Variants in AGAP1 observed in about 807,000 individuals in gnomAD.
AGAP1 encodes the protein arf-GAP with GTPase, ANK repeat and PH domain-containing protein 1.
A neutral mutation model predicts 105.3 loss-of-function variants in AGAP1; 29 were observed. The ratio of observed to expected loss-of-function variants is 0.28; its 90% CI spans 0.21 to 0.38. AGAP1 has a LOEUF of 0.38. Ranked by LOEUF, AGAP1 falls within the 10% of genes least tolerant of loss-of-function variation. The pLI, the probability that AGAP1 is intolerant of heterozygous loss-of-function variation, is 1.00. For synonymous variants in AGAP1, 509 were observed against 485.9 expected (o/e 1.05, Z -0.63); for missense variants, 998 against 1,165.1 (o/e 0.86, Z 2.09).
Position 236,109,657 on chromosome 2 carries a change from G to A in AGAP1, c.2115-10535G>A, listed in dbSNP as rs562351689. Among the ~76,000 whole-genome samples the A allele has an allele frequency of 2.0e-5, 3 of 151,554 alleles. No homozygotes were observed. Among genetic ancestry groups the A allele is most frequent in the East Asian group, 2.0e-4 (1 of 5,122 alleles). On this transcript the variant is annotated intron_variant, in intron 16 of 17. Transcript: ENST00000304032. The surrounding 1 kb of genome is among the most constrained non-coding windows in gnomAD (Gnocchi z 5.4). The stretch of plus-strand genomic sequence containing the variant: ...CGGCAGCCGTGGGAACGTCCTAGTC[G>A]GCGGCAGCGTCGGTGCTCTGGACCG...
Position 235,994,495 on chromosome 2 carries a change from T to TG in AGAP1, c.1645+25874dup, listed in dbSNP as rs985504032. 6.6e-6 allele frequency among the ~76,000 whole-genome samples: 1 copy of TG among 152,194 alleles called. No homozygotes were observed. The highest frequency in any genetic ancestry group is 2.4e-5 in the African/African-American group (1 of 41,452). Reference sequence around the variant, plus strand: ...CAGCGTTAAGGGGGTCGTTTCTTTCTGGTTTGAAAGTTGAGAAGTAGGTCA... The same window carrying TG: ...CAGCGTTAAGGGGGTCGTTTCTTTCTGGGTTTGAAAGTTGAGAAGTAGGTCA... On this transcript the variant is annotated intron_variant, in intron 13 of 17. Transcript: ENST00000304032. This position sits in a 1 kb window ranked among gnomAD's most constrained non-coding sequence, Gnocchi z 4.4.
At chr2:236,021,759 T>A (rs2056891662) in intron 13 of AGAP1, among the ~76,000 whole-genome samples, 1 of 152,048 alleles carries the variant, frequency 6.6e-6, no homozygotes, top group South Asian at 2.1e-4. Context: ...AGTCTTTTCT[T>A]AATTTAAGAC....
At chr2:235,594,894 T>TTG (rs1553575351) in intron 1 of AGAP1, among the ~76,000 whole-genome samples, 2 of 150,938 alleles carry the variant, frequency 1.3e-5, no homozygotes, top group Non-Finnish European at 3.0e-5. Flanking sequence ...TTTTTTTTTT[T>TTG]TTTTTTTTTT....
rs149931123 is a variant in AGAP1 at position 235,750,445 on chromosome 2, G to A, written c.630G>A (p.Thr210=). The A allele has an allele frequency of 6.0e-4, 962 of 1,614,212 alleles. No individual in the cohort carries two copies. The highest frequency in any genetic ancestry group is 1.1e-3 in the South Asian group (99 of 91,084). ...NDLKRCTYYE[T]CATYGLNVER... ...TGAAACGGTGCACGTACTACGAGAC[G>A]TGTGCTACATACGGGCTGAATGTGG... is the stretch of plus-strand genomic sequence containing the variant. Residue 210 remains threonine (T), a synonymous_variant, in exon 6 of 18, where the codon ACG becomes ACA. Transcript: ENST00000304032. This position sits in a 1 kb window ranked among gnomAD's most constrained non-coding sequence, Gnocchi z 5.3.
At chr2:235,572,668 T>G (rs1944567998) in intron 1 of AGAP1, among the ~76,000 whole-genome samples, 1 of 152,126 alleles carries the variant, frequency 6.6e-6, no homozygotes, top group Admixed American at 6.5e-5. Context: ...GTGGCCAACT[T>G]CCCCATCACC....
rs2125013707 is a variant in AGAP1, at chr2:235,904,174, A to G, written c.1156-4564A>G. ...GACTATGTGAAAAGAAATCACATTA[A>G]TGCAGCTAATTAAGTGTACGGCAAT... On this transcript the variant is annotated intron_variant, in intron 10 of 17. Transcript: ENST00000304032. The surrounding 1 kb of genome is among the most constrained non-coding windows in gnomAD (Gnocchi z 4.2). Among the ~76,000 whole-genome samples, 1 of 152,336 alleles carries G rather than the reference A, an allele frequency of 6.6e-6. No homozygotes were observed. The highest frequency in any genetic ancestry group is 2.1e-4 in the South Asian group (1 of 4,830).
chr2:235,652,822 G>A (rs988534342), intron 1 of AGAP1, among the ~76,000 whole-genome samples: 17 of 152,024 alleles, frequency 1.1e-4, no homozygotes, highest in Non-Finnish European at 2.9e-5. Context: ...ATCAGGGGCA[G>A]GGAGCAGGGT....
chr2:236,064,225 G>A (rs1371542539), intron 16 of AGAP1, among the ~76,000 whole-genome samples: 1 of 152,212 alleles, frequency 6.6e-6, no homozygotes, highest in East Asian at 1.9e-4. Flanking sequence ...GCGTGGCTTA[G>A]GAGCATGGAG....
chr2:235,628,868 G>A (rs962319986), intron 1 of AGAP1, among the ~76,000 whole-genome samples: 1 of 151,996 alleles, frequency 6.6e-6, no homozygotes, highest in African/African-American at 2.4e-5. Flanking sequence ...CTGGAGTGCA[G>A]TGCTGTGATC....
chr2:236,065,119 C>T (rs534144951), intron 16 of AGAP1, among the ~76,000 whole-genome samples: 79 of 152,314 alleles, frequency 5.2e-4, no homozygotes, highest in African/African-American at 1.8e-3. Context: ...TATCGGAGGC[C>T]GGAAGGCTTA....
chr2:235,812,715 T>G (rs966093996), intron 9 of AGAP1, among the ~76,000 whole-genome samples: 1 of 152,200 alleles, frequency 6.6e-6, no homozygotes, highest in Non-Finnish European at 1.5e-5. Context: ...TTCAGGGGCA[T>G]GGAGAGAGGA....
At chr2:235,534,174 G>C (rs1022321267) in intron 1 of AGAP1, among the ~76,000 whole-genome samples, 1 of 152,188 alleles carries the variant, frequency 6.6e-6, no homozygotes, top group Non-Finnish European at 1.5e-5. Flanking sequence ...CCCTCCTGCC[G>C]ACCCCGGTGG....
chr2:235,852,638 A>G, intron 9 of AGAP1: 1 of 1,396,112 alleles, frequency 7.2e-7, no homozygotes, highest in East Asian at 2.8e-5. Context: ...AACCCTCATC[A>G]GATAAAGCAG....
At position 236,046,690 on chromosome 2, in the gene AGAP1, G is replaced by T. The variant is rs572837905; in HGVS notation, c.1892-2369G>T. Among the ~76,000 whole-genome samples, 1 of 152,164 alleles carries T rather than the reference G, an allele frequency of 6.6e-6. No homozygotes were observed. Among genetic ancestry groups the T allele is most frequent in the African/African-American group, 2.4e-5 (1 of 41,434 alleles). The stretch of plus-strand genomic sequence containing the variant: ...CTGAGTGGTGATTGAAGTGTGGGTT[G>T]GGTTGGCCTGAATAAGACTACACAG... On this transcript the variant is annotated intron_variant, in intron 15 of 17. Transcript: ENST00000304032. This position sits in a 1 kb window ranked among gnomAD's most constrained non-coding sequence, Gnocchi z 5.2.
intron 9 of AGAP1, among the ~76,000 whole-genome samples, chr2:235,814,958 C>T (rs1296835721): frequency 6.6e-6 from 1 of 152,106 alleles, no homozygotes; most frequent in Non-Finnish European, 1.5e-5. Context: ...GGATCTCCCT[C>T]CCCTTCTTAC....
intron 3 of AGAP1, among the ~76,000 whole-genome samples, chr2:235,722,518 A>C (rs1017196737): frequency 6.6e-6 from 1 of 152,150 alleles, no homozygotes; most frequent in African/African-American, 2.4e-5. Context: ...TTCTTGGCTC[A>C]TAGACTCCTA....
chr2:235,957,816 A>G lies in AGAP1; in HGVS notation c.1484-10646A>G, dbSNP rs569916304. ...TGCGTTTTAATTTACGAGTTCCTAC[A>G]ACGACTTCATCTTGAGTTCACAGGG... On this transcript the variant is annotated intron_variant, in intron 12 of 17. Coordinates refer to ENST00000304032, the MANE Select transcript of AGAP1 (RefSeq NM_001037131.3). This position sits in a 1 kb window ranked among gnomAD's most constrained non-coding sequence, Gnocchi z 4.6. Among the ~76,000 whole-genome samples, 3 of 152,194 alleles carry G rather than the reference A, an allele frequency of 2.0e-5. No homozygotes were observed. Among genetic ancestry groups the G allele is most frequent in the East Asian group, 1.9e-4 (1 of 5,184 alleles).
At chr2:236,085,486 G>C (rs1397118064) in intron 16 of AGAP1, among the ~76,000 whole-genome samples, 1 of 152,168 alleles carries the variant, frequency 6.6e-6, no homozygotes, top group East Asian at 1.9e-4. Context: ...TCACTTCCCA[G>C]CCTGAGTTTC....
intron 3 of AGAP1, among the ~76,000 whole-genome samples, chr2:235,726,885 GAC>G (rs1472680449): frequency 6.6e-6 from 1 of 152,140 alleles, no homozygotes; most frequent in African/African-American, 2.4e-5. Context: ...GTTTTAGAAA[GAC>G]CCTAATCTCC....
Sources: gnomAD v4.1 joint callset for allele counts (sites outside exome capture counted in the v4.1 genomes callset) on GRCh38, gnomAD v4.1.1 for gene constraint, Gnocchi (gnomAD v3.1) non-coding constraint, MANE v1.5 for transcripts, NCBI Gene and HGNC (gene_info 2026-07-23, HGNC 2026-07-21) for gene names.